The following CSF1 variants were observed in gnomAD, a reference collection of about 807,000 sequenced individuals.
The protein encoded by CSF1 is macrophage colony-stimulating factor 1.
A neutral mutation model predicts 48.9 loss-of-function variants in CSF1; 9 were observed. That is an observed-to-expected ratio of 0.18 (90% CI 0.11 to 0.32). CSF1 has a LOEUF of 0.32. Ranked by LOEUF, CSF1 falls within the 10% of genes least tolerant of loss-of-function variation. CSF1 has a pLI of 1.00. For synonymous variants in CSF1, 305 were observed against 284.1 expected (o/e 1.07, Z -0.74); for missense variants, 672 against 697.9 (o/e 0.96, Z 0.42).
chr1:109,921,141 C>T (rs1647514314), intron 4 of CSF1, among the ~76,000 whole-genome samples: 1 of 152,196 alleles, frequency 6.6e-6, no homozygotes, highest in Non-Finnish European at 1.5e-5. Context: ...CCACTGCCCA[C>T]CCCTAACACC....
Position 109,930,345 on chromosome 1 carries a change from C to G in CSF1, c.*1507C>G, listed in dbSNP as rs1648017328. 6.6e-6 allele frequency: 1 copy of G among 152,294 alleles called. No individual in the cohort carries two copies. Among genetic ancestry groups the G allele is most frequent in the African/African-American group, 2.4e-5 (1 of 41,464 alleles). The allele number at this position is 152,294 out of a possible 1,614,324, so 9.4% of individuals were successfully genotyped here. ...TGGAGGGCCTCCACTTTGTGGCCAG[C>G]CTGTGGTGGTGGCTCTGAGGCCTAG... On this transcript the variant is annotated 3_prime_UTR_variant, in exon 9 of 9. Coordinates refer to ENST00000329608, the MANE Select transcript of CSF1 (RefSeq NM_000757.6).
chr1:109,922,705 C>T (rs1647615873), intron 5 of CSF1, among the ~76,000 whole-genome samples: 1 of 150,330 alleles, frequency 6.7e-6, no homozygotes, highest in Non-Finnish European at 1.5e-5. Flanking sequence ...GCATTCTAGC[C>T]CCAGCCTGTT....
At chr1:109,912,799 A>G (rs1438003744) in intron 1 of CSF1, among the ~76,000 whole-genome samples, 1 of 152,072 alleles carries the variant, frequency 6.6e-6, no homozygotes, top group African/African-American at 2.4e-5. Context: ...GTTTCTGAGT[A>G]CCTGGGCCAT....
At chr1:109,913,901 G>GA (rs1323249144) in intron 1 of CSF1, among the ~76,000 whole-genome samples, 1 of 152,204 alleles carries the variant, frequency 6.6e-6, no homozygotes, top group African/African-American at 2.4e-5. Flanking sequence ...TGCAGAGACA[G>GA]AAAAAAATGG....
rs200460787 is a variant in CSF1 at position 109,923,847 on chromosome 1, G to A, written c.1226G>A (p.Arg409His). Reference protein sequence around the residue: ...EPGSPRISSLRPQGLSNPSTL... With the variant: ...EPGSPRISSLHPQGLSNPSTL... Reference sequence around the variant, plus strand: ...GGCTCTCCCAGGATCTCATCACTGCGCCCCCAGGGCCTCAGCAACCCCTCC... The same window carrying A: ...GGCTCTCCCAGGATCTCATCACTGCACCCCCAGGGCCTCAGCAACCCCTCC... Residue 409 changes from arginine (R) to histidine (H), a missense_variant, in exon 6 of 9, where the codon CGC becomes CAC. This residue lies in a region of CSF1 where 591 missense variants were observed against 593.6 expected (regional missense o/e 1.00). Transcript: ENST00000329608. 41 of 1,613,812 alleles carry A rather than the reference G, an allele frequency of 2.5e-5. No homozygotes were observed. The highest frequency in any genetic ancestry group is 2.5e-4 in the Admixed American group (15 of 59,988).
intron 4 of CSF1, among the ~76,000 whole-genome samples, chr1:109,919,891 G>A (rs976470105): frequency 3.3e-5 from 5 of 151,832 alleles, no homozygotes; most frequent in South Asian, 2.1e-4. Context: ...CCAGGGTGGC[G>A]GAGGTTGCAG....
chr1:109,923,611 G>C lies in CSF1; in HGVS notation c.990G>C (p.Gly330=). 1 of 1,614,150 alleles carries C rather than the reference G, an allele frequency of 6.2e-7. No homozygotes were observed. Among genetic ancestry groups the C allele is most frequent in the Non-Finnish European group, 8.5e-7 (1 of 1,180,014 alleles). ...AGCTTTCCCCCTCCAGGCCAGGAGG[G>C]GGCAGCATGCAGACAGAGCCCGCCA... The part of the protein sequence containing the change: ...GTELSPSRPG[G]GSMQTEPARP... The change falls in exon 6 of 9, where the codon GGG becomes GGC. Residue 330 remains glycine (G), a synonymous_variant. Transcript: ENST00000329608.
intron 4 of CSF1, among the ~76,000 whole-genome samples, chr1:109,918,601 G>A (rs1232123937): frequency 6.6e-6 from 1 of 152,140 alleles, no homozygotes; most frequent in Admixed American, 6.5e-5. Flanking sequence ...ACGTGCAGTG[G>A]ATGTGAGAAG....
At chr1:109,921,440 G>A (rs375755468) in intron 4 of CSF1, among the ~76,000 whole-genome samples, 1 of 152,156 alleles carries the variant, frequency 6.6e-6, no homozygotes, top group East Asian at 1.9e-4. Context: ...GATTCCTTGG[G>A]GAAATTCTCC....
intron 8 of CSF1, among the ~76,000 whole-genome samples, chr1:109,927,427 G>A (rs997944747): frequency 1.3e-5 from 2 of 152,228 alleles, no homozygotes; most frequent in Non-Finnish European, 2.9e-5. Flanking sequence ...TGGCAAGACT[G>A]TGAAATGACC....
Position 109,923,735 on chromosome 1 carries a change from C to G in CSF1, c.1114C>G (p.Pro372Ala). ...VTGTALPRVG[P>A]VRPTGQDWNH... Reference sequence around the variant, plus strand: ...TGGTACCGCCTTGCCCAGGGTGGGCCCCGTGAGGCCCACTGGCCAGGACTG... The same window carrying G: ...TGGTACCGCCTTGCCCAGGGTGGGCGCCGTGAGGCCCACTGGCCAGGACTG... The change falls in exon 6 of 9, where the codon CCC (proline) becomes GCC (alanine). Residue 372 changes from proline to alanine, a missense_variant. Around this residue, in one of 3 missense-constraint regions of CSF1, gnomAD observed 591 missense variants for 593.6 expected, o/e 1.00. Coordinates refer to ENST00000329608, the MANE Select transcript of CSF1 (RefSeq NM_000757.6). 3.7e-6 allele frequency: 6 copies of G among 1,611,314 alleles called. No individual in the cohort carries two copies. The South Asian group carries it at 6.6e-5, about 18-fold the overall frequency.
intron 8 of CSF1, among the ~76,000 whole-genome samples, chr1:109,927,787 A>T (rs1419762084): frequency 6.6e-6 from 1 of 152,340 alleles, no homozygotes. Flanking sequence ...AGAGAGAAAC[A>T]TAGAGGCAGA....
intron 8 of CSF1, among the ~76,000 whole-genome samples, 185 bp downstream of exon 8, chr1:109,925,387 C>A (rs3138072): frequency 0.14 from 21,158 of 152,102 alleles, 1,745 homozygotes; most frequent in Non-Finnish European, 0.19. Flanking sequence ...CCTCAGCTAT[C>A]CCCCTGCCCC....
At chr1:109,917,234 G>T in intron 3 of CSF1, 59 bp from the exon 4 acceptor site, 31 of 1,573,976 alleles carry the variant, frequency 2.0e-5, no homozygotes, top group Non-Finnish European at 2.6e-5. Context: ...ATCTGCCTGG[G>T]GTTGGGGGTT....
chr1:109,919,552 G>C (rs1363816112), intron 4 of CSF1, among the ~76,000 whole-genome samples: 1 of 152,116 alleles, frequency 6.6e-6, no homozygotes, highest in African/African-American at 2.4e-5. Flanking sequence ...TAATAAGAGA[G>C]GTATTAAATC....
chr1:109,921,990 C>A lies in CSF1; in HGVS notation c.540C>A (p.Ser180Arg). The change falls in exon 5 of 9, where the codon AGC becomes AGA. Residue 180 changes from serine to arginine, a missense_variant. This residue lies in a region of CSF1 where 591 missense variants were observed against 593.6 expected (regional missense o/e 1.00). Coordinates refer to ENST00000329608, the MANE Select transcript of CSF1 (RefSeq NM_000757.6). Reference protein sequence around the residue: ...NCNNSFAECSSQDVVTKPDCN... With the variant: ...NCNNSFAECSRQDVVTKPDCN... ...ACAACAGCTTTGCTGAATGCTCCAGCCAAGGTAAGCATGGCAGGGGCCAGC... is the reference window on the plus strand; with the variant it reads ...ACAACAGCTTTGCTGAATGCTCCAGACAAGGTAAGCATGGCAGGGGCCAGC... 6.3e-7 allele frequency: 1 copy of A among 1,596,348 alleles called. No homozygotes were observed. The highest frequency in any genetic ancestry group is 8.6e-7 in the Non-Finnish European group (1 of 1,168,830).
At chr1:109,917,794 T>C (rs1216472507) in intron 4 of CSF1, among the ~76,000 whole-genome samples, 2 of 152,210 alleles carry the variant, frequency 1.3e-5, no homozygotes, top group Non-Finnish European at 2.9e-5. Flanking sequence ...CAAGCAGTTA[T>C]TGTGTGTCTG....
intron 1 of CSF1, among the ~76,000 whole-genome samples, chr1:109,911,545 C>T (rs1009958149): frequency 6.6e-6 from 1 of 152,220 alleles, no homozygotes; most frequent in African/African-American, 2.4e-5. Flanking sequence ...GCTTATAGAA[C>T]GCCAGGGACT....
chr1:109,910,975 C>A lies in CSF1; in HGVS notation c.-49C>A. 2 of 1,144,084 alleles carry A rather than the reference C, an allele frequency of 1.7e-6. No individual in the cohort carries two copies. Among genetic ancestry groups the A allele is most frequent in the South Asian group, 3.6e-5 (1 of 27,502 alleles). The allele number at this position is 1,144,084 out of a possible 1,614,324, so 70.9% of individuals were successfully genotyped here. A position where few individuals can be genotyped will look rare whatever the true frequency, so the allele number is the denominator to read the frequency against. ...CACTCCGCAGCAGCCAGCGAGCGAG[C>A]GAGCGAGCGAGGGCGGCCGACGCGC... On this transcript the variant is annotated 5_prime_UTR_variant, in exon 1 of 9. Coordinates refer to ENST00000329608, the MANE Select transcript of CSF1 (RefSeq NM_000757.6).
Sources: allele counts gnomAD v4.1 joint callset (sites outside exome capture counted in the v4.1 genomes callset), GRCh38; gene constraint gnomAD v4.1.1; regional missense constraint gnomAD v4.1.1; transcripts MANE v1.5; gene names NCBI Gene and HGNC (gene_info 2026-07-23, HGNC 2026-07-21).